ZSWIM6: variants seen among roughly 807,000 people sequenced by gnomAD.
The protein encoded by ZSWIM6 is zinc finger SWIM domain-containing protein 6.
A neutral mutation model predicts 113.2 loss-of-function variants in ZSWIM6; 9 were observed. That is an observed-to-expected ratio of 0.08 (90% confidence interval 0.05 to 0.14). ZSWIM6 has a LOEUF of 0.14. ZSWIM6 is among the 10% of genes least tolerant of loss of function. The pLI is 1.00. For synonymous variants in ZSWIM6, 611 were observed against 606.5 expected, an observed-to-expected ratio of 1.01 and a Z score of -0.11; for missense variants, 1,162 against 1,552.2, an observed-to-expected ratio of 0.75 and a Z score of 4.22.
intron 4 of ZSWIM6, among the ~76,000 whole-genome samples, chr5:61,495,567 G>C (rs977006142): frequency 3.3e-5 from 5 of 152,024 alleles, no homozygotes; most frequent in Non-Finnish European, 7.4e-5. Flanking sequence ...TGCTTTCTGT[G>C]AGTCTCCTGA....
chr5:61,517,733 G>A (rs2112255105), intron 4 of ZSWIM6, among the ~76,000 whole-genome samples: 2 of 151,202 alleles, frequency 1.3e-5, no homozygotes, highest in Middle Eastern at 3.4e-3. Context: ...CCTGGGGATT[G>A]TTTAAAGAAT....
chr5:61,495,267 C>G (rs1748284757), intron 4 of ZSWIM6, among the ~76,000 whole-genome samples: 1 of 151,966 alleles, frequency 6.6e-6, no homozygotes, highest in South Asian at 2.1e-4. Context: ...TGCTGTTGTC[C>G]GTGAAGATAC....
intron 1 of ZSWIM6, among the ~76,000 whole-genome samples, chr5:61,431,577 C>G (rs1030539653): frequency 6.7e-6 from 1 of 149,484 alleles, no homozygotes; most frequent in African/African-American, 2.5e-5. Context: ...AACACTGTCT[C>G]TACTAAAAAT....
chr5:61,487,249 A>G (rs1748041322), intron 2 of ZSWIM6, among the ~76,000 whole-genome samples: 2 of 152,174 alleles, frequency 1.3e-5, no homozygotes, highest in South Asian at 2.1e-4. Context: ...TCATTGGTCT[A>G]TGTGTCTATT....
At chr5:61,385,962 AGGT>A (rs1745584999) in intron 1 of ZSWIM6, among the ~76,000 whole-genome samples, 1 of 152,096 alleles carries the variant, frequency 6.6e-6, no homozygotes, top group Non-Finnish European at 1.5e-5. Context: ...ACACTTCTTG[AGGT>A]GGTGGGCACA....
chr5:61,344,084 G>A (rs1021884007), intron 1 of ZSWIM6, among the ~76,000 whole-genome samples: 1 of 151,980 alleles, frequency 6.6e-6, no homozygotes, highest in Non-Finnish European at 1.5e-5. Context: ...TAGTAGAGAC[G>A]GGGTTTCACC....
chr5:61,540,362 A>C (rs1040026515), intron 12 of ZSWIM6, among the ~76,000 whole-genome samples: 1 of 152,162 alleles, frequency 6.6e-6, no homozygotes. Flanking sequence ...AAGAACTAAA[A>C]AGTTTGTTTC....
intron 1 of ZSWIM6, among the ~76,000 whole-genome samples, chr5:61,365,370 A>G (rs1745128911): frequency 1.3e-5 from 2 of 150,970 alleles, no homozygotes; most frequent in East Asian, 3.9e-4. Context: ...AAAATTATAT[A>G]TATATATTTT....
intron 1 of ZSWIM6, among the ~76,000 whole-genome samples, chr5:61,333,750 C>CTT (rs1317044462): frequency 2.0e-5 from 3 of 152,138 alleles, no homozygotes; most frequent in African/African-American, 7.2e-5. Flanking sequence ...TAGCGCTTCC[C>CTT]TTTTCTCTGA....
At position 61,464,158 on chromosome 5, in the gene ZSWIM6, A is replaced by ATTTTTTTTTTT. The variant is rs869288331; in HGVS notation, c.677-8500_677-8490dup. On this transcript the variant is annotated intron_variant, in intron 1 of 13. Transcript: ENST00000252744. ...AGGTGCATGCCAACACACCCGGCTAATTTTTTTTTTTTTTTTTTTTTTTTT... is the reference window on the plus strand; with the variant it reads ...AGGTGCATGCCAACACACCCGGCTAATTTTTTTTTTTTTTTTTTTTTTTTTTTTTTTTTTTT... Among the ~76,000 whole-genome samples the ATTTTTTTTTTT allele has an allele frequency of 1.5e-3, 65 of 43,540 alleles. 4 individuals are homozygous for ATTTTTTTTTTT. The highest frequency in any genetic ancestry group is 2.0e-3 in the East Asian group (3 of 1,476). The allele number at this position is 43,540 out of a possible 152,430, so 28.6% of individuals were successfully genotyped here.
Position 61,472,109 on chromosome 5 carries a change from T to C in ZSWIM6, c.677-572T>C, listed in dbSNP as rs1188940817. Among the ~76,000 whole-genome samples the C allele has an allele frequency of 2.6e-5, 4 of 152,228 alleles. No individual in the cohort carries two copies. Among genetic ancestry groups the C allele is most frequent in the Non-Finnish European group, 4.4e-5 (3 of 68,042 alleles). On this transcript the variant is annotated intron_variant, in intron 1 of 13. Coordinates refer to ENST00000252744, the MANE Select transcript of ZSWIM6 (RefSeq NM_020928.2). The surrounding 1 kb of genome is among the most constrained non-coding windows in gnomAD (Gnocchi z 4.1). The stretch of plus-strand genomic sequence containing the variant: ...CATTGCTGTATTGGGGTATACATTA[T>C]GCATGTTGCAGAAAGGATTGTCAAA...
At chr5:61,446,436 G>A (rs895067190) in intron 1 of ZSWIM6, among the ~76,000 whole-genome samples, 2 of 152,124 alleles carry the variant, frequency 1.3e-5, no homozygotes, top group African/African-American at 2.4e-5. Context: ...AATACATTGG[G>A]CATTTTCATC....
chr5:61,531,532 G>A lies in ZSWIM6; in HGVS notation c.2052G>A (p.Gly684=). Residue 684 remains glycine, a synonymous_variant, in exon 9 of 14, where the codon GGG becomes GGA. Coordinates refer to ENST00000252744, the MANE Select transcript of ZSWIM6 (RefSeq NM_020928.2). ...CTGCACACAAATTCTTAGAAGAAGGGGAATCCTATTTAACGCTGGCTGTGG... is the reference window on the plus strand; with the variant it reads ...CTGCACACAAATTCTTAGAAGAAGGAGAATCCTATTTAACGCTGGCTGTGG... The part of the protein sequence containing the change: ...HLPAHKFLEE[G]ESYLTLAVEV... 1 of 1,551,674 alleles carries A rather than the reference G, an allele frequency of 6.4e-7. No homozygotes were observed. The highest frequency in any genetic ancestry group is 1.2e-5 in the South Asian group (1 of 84,058).
chr5:61,333,001 G>A (rs932950031), intron 1 of ZSWIM6, 53 bp downstream of exon 1: 10 of 1,010,360 alleles, frequency 9.9e-6, no homozygotes, highest in Non-Finnish European at 1.2e-5. Context: ...TCCCTGGGTG[G>A]GGGGGGGGTG....
chr5:61,519,107 T>A, intron 4 of ZSWIM6, among the ~76,000 whole-genome samples: 1 of 152,188 alleles, frequency 6.6e-6, no homozygotes, highest in Admixed American at 6.5e-5. Context: ...TTGATTGTTT[T>A]AAAAAATTTC....
chr5:61,424,683 A>G (rs1298932495), intron 1 of ZSWIM6, among the ~76,000 whole-genome samples: 5 of 149,690 alleles, frequency 3.3e-5, no homozygotes, highest in African/African-American at 1.2e-4. Context: ...TATAATATGT[A>G]GTTTAAGAGT....
At chr5:61,538,729 C>T in intron 10 of ZSWIM6, 85 bp from the exon 11 acceptor site, 2 of 1,449,464 alleles carry the variant, frequency 1.4e-6, no homozygotes, top group Non-Finnish European at 1.9e-6. Context: ...CTACCCACTC[C>T]TCTGGCTTCT....
At chr5:61,355,062 A>C (rs1475247799) in intron 1 of ZSWIM6, among the ~76,000 whole-genome samples, 1 of 152,208 alleles carries the variant, frequency 6.6e-6, no homozygotes, top group African/African-American at 2.4e-5. Flanking sequence ...TATTTTAATC[A>C]CATTAAAAAT....
chr5:61,436,636 T>C (rs976919655), intron 1 of ZSWIM6, among the ~76,000 whole-genome samples: 3 of 152,228 alleles, frequency 2.0e-5, no homozygotes, highest in East Asian at 3.8e-4. Context: ...TGAGTTGTTA[T>C]TACTAAATAT....
Sources: gnomAD v4.1 joint callset for allele counts (sites outside exome capture counted in the v4.1 genomes callset) on GRCh38, gnomAD v4.1.1 for gene constraint, Gnocchi (gnomAD v3.1) non-coding constraint, MANE v1.5 for transcripts, NCBI Gene and HGNC (gene_info 2026-07-23, HGNC 2026-07-21) for gene names.